Variants in NRCAM observed in about 807,000 individuals in gnomAD.
NRCAM encodes the protein NgCAM-related cell adhesion molecule.
Under a neutral mutation model 156.5 loss-of-function variants are expected in NRCAM, and 83 were observed. That is an observed-to-expected ratio of 0.53 (90% confidence interval 0.44 to 0.64). NRCAM has a LOEUF of 0.64. NRCAM is among the 30% of genes least tolerant of loss of function. The pLI, the probability that NRCAM is intolerant of heterozygous loss-of-function variation, is 0.00. For synonymous variants in NRCAM, 538 were observed against 563.9 expected (o/e 0.95, Z 0.65); for missense variants, 1,417 against 1,597.3 (o/e 0.89, Z 1.92).
chr7:108,166,340 C>T (rs1488953546), intron 30 of NRCAM, among the ~76,000 whole-genome samples: 2 of 151,558 alleles, frequency 1.3e-5, no homozygotes, highest in South Asian at 2.1e-4. Context: ...CTCTGCCTCC[C>T]GGGTTCAAGT....
chr7:108,380,445 A>G (rs77108828), intron 2 of NRCAM, among the ~76,000 whole-genome samples: 11,567 of 152,188 alleles, frequency 0.076, 457 homozygotes, highest in East Asian at 0.12. Flanking sequence ...TGCTGTTTCT[A>G]TAAGTTGTAT....
At chr7:108,349,989 G>A (rs983492782) in intron 2 of NRCAM, among the ~76,000 whole-genome samples, 5 of 152,110 alleles carry the variant, frequency 3.3e-5, no homozygotes, top group South Asian at 2.1e-4. Flanking sequence ...TCCTCACATC[G>A]GTGATCACGC....
intron 3 of NRCAM, among the ~76,000 whole-genome samples, chr7:108,284,364 T>C (rs1246109898): frequency 5.3e-5 from 8 of 152,124 alleles, no homozygotes; most frequent in Non-Finnish European, 7.4e-5. Flanking sequence ...TATTTAGGTG[T>C]TGCAGGCCAG....
chr7:108,278,726 A>T (rs12667151), intron 3 of NRCAM, among the ~76,000 whole-genome samples: 7 of 152,150 alleles, frequency 4.6e-5, no homozygotes, highest in Non-Finnish European at 1.0e-4. Flanking sequence ...GTGAGGCGAC[A>T]CCCCACCCTG....
intron 32 of NRCAM, among the ~76,000 whole-genome samples, chr7:108,157,615 A>G (rs2151243313): frequency 6.6e-6 from 1 of 152,272 alleles, no homozygotes; most frequent in Middle Eastern, 3.4e-3. Flanking sequence ...TTACGTGGAT[A>G]CATTGTATAG....
At chr7:108,299,152 A>G (rs199703215) in intron 3 of NRCAM, among the ~76,000 whole-genome samples, 2,419 of 139,610 alleles carry the variant, frequency 0.017, 32 homozygotes, top group East Asian at 0.075. Flanking sequence ...AGAAAAGTAA[A>G]AAAAAAAAAA....
At chr7:108,303,808 C>A (rs1404188946) in intron 3 of NRCAM, among the ~76,000 whole-genome samples, 1 of 152,108 alleles carries the variant, frequency 6.6e-6, no homozygotes, top group Non-Finnish European at 1.5e-5. Flanking sequence ...TTTCCTGATG[C>A]CACCATGCAG....
intron 2 of NRCAM, among the ~76,000 whole-genome samples, chr7:108,336,828 TTAAA>T (rs1185008209): frequency 6.6e-6 from 1 of 152,164 alleles, no homozygotes; most frequent in Admixed American, 6.5e-5. Context: ...ATAACTACAG[TTAAA>T]TAGATTCCTT....
At chr7:108,158,832 GAGA>G (rs1554481709) in intron 32 of NRCAM, among the ~76,000 whole-genome samples, 2 of 152,066 alleles carry the variant, frequency 1.3e-5, no homozygotes, top group Non-Finnish European at 2.9e-5. Context: ...TTTGTTTAAA[GAGA>G]AGATTTTTAA....
intron 3 of NRCAM, among the ~76,000 whole-genome samples, chr7:108,256,053 C>T (rs1365825099): frequency 6.6e-6 from 1 of 151,274 alleles, no homozygotes; most frequent in African/African-American, 2.4e-5. Flanking sequence ...AGGTGGGGGG[C>T]GCCTCTGCCC....
intron 19 of NRCAM, among the ~76,000 whole-genome samples, chr7:108,190,187 A>G (rs971103674): frequency 1.3e-5 from 2 of 152,262 alleles, no homozygotes; most frequent in Non-Finnish European, 2.9e-5. Flanking sequence ...TCTAAAAAAA[A>G]TGCTGAATAA....
At chr7:108,215,658 T>C (rs780385343) in intron 11 of NRCAM, among the ~76,000 whole-genome samples, 53 of 152,270 alleles carry the variant, frequency 3.5e-4, no homozygotes, top group Non-Finnish European at 6.2e-4. Context: ...TTTACCATTA[T>C]GTAATACCCT....
At chr7:108,301,373 G>GT (rs1195973152) in intron 3 of NRCAM, among the ~76,000 whole-genome samples, 5 of 152,094 alleles carry the variant, frequency 3.3e-5, no homozygotes, top group Admixed American at 3.3e-4. Flanking sequence ...GTATTAAGTG[G>GT]TTTTCCAGAA....
chr7:108,188,998 A>C (rs1347618450), intron 20 of NRCAM, among the ~76,000 whole-genome samples: 1 of 151,200 alleles, frequency 6.6e-6, no homozygotes. Context: ...TTACAATTCA[A>C]CTTCGAAGCT....
intron 3 of NRCAM, among the ~76,000 whole-genome samples, chr7:108,248,808 G>A (rs2096138924): frequency 6.6e-6 from 1 of 152,156 alleles, no homozygotes; most frequent in Non-Finnish European, 1.5e-5. Flanking sequence ...CTGGGGTGTG[G>A]GTGGAATATT....
chr7:108,329,127 T>C (rs1454838570), intron 2 of NRCAM, among the ~76,000 whole-genome samples: 2 of 152,224 alleles, frequency 1.3e-5, no homozygotes, highest in East Asian at 3.8e-4. Flanking sequence ...TTTCTGAATT[T>C]CATTCCTCTC....
At chr7:108,235,579 A>G (rs923743248) in intron 5 of NRCAM, among the ~76,000 whole-genome samples, 10 of 152,192 alleles carry the variant, frequency 6.6e-5, no homozygotes, top group Admixed American at 5.2e-4. Context: ...AACTCTCTCA[A>G]CTGGCTCCTG....
At chr7:108,427,078 C>T (rs1818254364) in intron 1 of NRCAM, among the ~76,000 whole-genome samples, 1 of 152,220 alleles carries the variant, frequency 6.6e-6, no homozygotes, top group Admixed American at 6.5e-5. Flanking sequence ...GTTTCACGAA[C>T]ATGCCTTTCC....
chr7:108,340,428 TGTA>T (rs1478544227), intron 2 of NRCAM, among the ~76,000 whole-genome samples: 1 of 152,184 alleles, frequency 6.6e-6, no homozygotes, highest in Non-Finnish European at 1.5e-5. Flanking sequence ...CATGGAGAGA[TGTA>T]ATGTTACTGC....
Sources: allele counts gnomAD v4.1 joint callset (sites outside exome capture counted in the v4.1 genomes callset), GRCh38; gene constraint gnomAD v4.1.1; transcripts MANE v1.5; gene names NCBI Gene and HGNC (gene_info 2026-07-23, HGNC 2026-07-21).